The following PTPRE variants were observed in gnomAD, a reference collection of about 807,000 sequenced individuals.
PTPRE encodes the protein receptor-type tyrosine-protein phosphatase epsilon.
A neutral mutation model predicts 102.0 loss-of-function variants in PTPRE; 51 were observed. The observed-to-expected ratio is 0.50, with a 90% CI of 0.40 to 0.63. PTPRE has a LOEUF of 0.63. Ranked by LOEUF, PTPRE falls within the 30% of genes least tolerant of loss-of-function variation. PTPRE has a pLI of 0.00. For synonymous variants in PTPRE, 345 were observed against 348.2 expected (o/e 0.99, Z 0.10); for missense variants, 752 against 915.1 (o/e 0.82, Z 2.30).
intron 1 of PTPRE, among the ~76,000 whole-genome samples, chr10:127,965,807 C>T (rs1372442046): frequency 1.3e-5 from 2 of 152,238 alleles, no homozygotes; most frequent in East Asian, 3.9e-4. Context: ...TCCAGCCAGT[C>T]TCCACCTCTT....
intron 17 of PTPRE, among the ~76,000 whole-genome samples, chr10:128,075,383 C>A (rs979014435): frequency 6.6e-6 from 1 of 152,168 alleles, no homozygotes; most frequent in Admixed American, 6.5e-5. Flanking sequence ...GTCAACCCAT[C>A]ATCTAGGTTT....
intron 6 of PTPRE, among the ~76,000 whole-genome samples, chr10:128,055,549 A>C (rs1454821714): frequency 6.6e-6 from 1 of 152,014 alleles, no homozygotes; most frequent in Admixed American, 6.6e-5. Context: ...TGCATTTCTA[A>C]CAAGCACCCT....
intron 2 of PTPRE, among the ~76,000 whole-genome samples, chr10:127,985,605 A>G (rs1256685257): frequency 2.0e-5 from 3 of 152,102 alleles, no homozygotes; most frequent in East Asian, 3.9e-4. Context: ...ATAAAAATAA[A>G]TAAAAGCTAG....
At chr10:127,933,176 G>C (rs1250819464) in intron 1 of PTPRE, among the ~76,000 whole-genome samples, 3 of 152,090 alleles carry the variant, frequency 2.0e-5, no homozygotes, top group Admixed American at 2.0e-4. Context: ...CCTTCACAAC[G>C]GTACCTGGAT....
At position 128,085,526 on chromosome 10, in the gene PTPRE, A is replaced by C. The variant is rs761066663; in HGVS notation, c.*2620A>C. ...GAAGAATGCATACCAGTGTTTTAAA[A>C]GGTATTTTTATGTGTTTTTAAACAC... On this transcript the variant is annotated 3_prime_UTR_variant, in exon 21 of 21. Coordinates refer to ENST00000254667, the MANE Select transcript of PTPRE (RefSeq NM_006504.6). 6.5e-6 allele frequency: 1 copy of C among 152,780 alleles called. No individual in the cohort carries two copies. Among genetic ancestry groups the C allele is most frequent in the Non-Finnish European group, 1.5e-5 (1 of 68,142 alleles). 9.5% of individuals were successfully genotyped at this position (152,780 alleles called of 1,614,324 possible). A position where few individuals can be genotyped will look rare whatever the true frequency, so the allele number is the denominator to read the frequency against.
chr10:128,070,718 G>A lies in PTPRE; in HGVS notation c.1294-90G>A, dbSNP rs889248699. On this transcript the variant is annotated intron_variant, in intron 14 of 20. Transcript: ENST00000254667. This position sits in a 1 kb window ranked among gnomAD's most constrained non-coding sequence, Gnocchi z 4.8. ...GGAGAGTGGTTTCCTTTGAGCAGGC[G>A]TCCTTGCCAGCAGCACTAGTCCTCG... The A allele has an allele frequency of 3.5e-5, 49 of 1,403,848 alleles. No homozygotes were observed. The highest frequency in any genetic ancestry group is 1.7e-4 in the East Asian group (7 of 41,924). 87.0% of individuals were successfully genotyped at this position (1,403,848 alleles called of 1,614,324 possible). A position where few individuals can be genotyped will look rare whatever the true frequency, so the allele number is the denominator to read the frequency against.
intron 16 of PTPRE, 124 bp downstream of exon 16, chr10:128,072,338 TG>T (rs1850843310): frequency 1.1e-6 from 1 of 922,204 alleles, no homozygotes; most frequent in South Asian, 1.7e-5. Context: ...CAGCCATTTT[TG>T]TTAGCAGAAT....
rs1463691836 is a variant in PTPRE at position 128,085,370 on chromosome 10, C to T, written c.*2464C>T. The T allele has an allele frequency of 4.1e-6, 1 of 245,512 alleles. No individual in the cohort carries two copies. The highest frequency in any genetic ancestry group is 9.3e-5 in the East Asian group (1 of 10,806). 15.2% of individuals were successfully genotyped at this position (245,512 alleles called of 1,614,324 possible). A position where few individuals can be genotyped will look rare whatever the true frequency, so the allele number is the denominator to read the frequency against. Reference sequence around the variant, plus strand: ...CCAGTGCCGACACCATTGTTCCTTTCACACTTTCCTTTGTTGCATGCAGTT... The same window carrying T: ...CCAGTGCCGACACCATTGTTCCTTTTACACTTTCCTTTGTTGCATGCAGTT... On this transcript the variant is annotated 3_prime_UTR_variant, in exon 21 of 21. Coordinates refer to ENST00000254667, the MANE Select transcript of PTPRE (RefSeq NM_006504.6).
At chr10:128,045,315 G>GACCC (rs543570562) in intron 3 of PTPRE, among the ~76,000 whole-genome samples, 135 of 152,356 alleles carry the variant, frequency 8.9e-4, no homozygotes, top group Admixed American at 2.0e-3. Flanking sequence ...GTGGAGGCCA[G>GACCC]ACCCACGGAG....
At chr10:128,073,574 TG>T in intron 17 of PTPRE, 103 bp downstream of exon 17, 1 of 1,413,512 alleles carries the variant, frequency 7.1e-7, no homozygotes, top group Non-Finnish European at 9.5e-7. Flanking sequence ...TGCAAACACA[TG>T]GGTGAGACCA....
At chr10:127,967,880 A>G (rs1459542908) in intron 1 of PTPRE, among the ~76,000 whole-genome samples, 1 of 152,214 alleles carries the variant, frequency 6.6e-6, no homozygotes, top group Non-Finnish European at 1.5e-5. Flanking sequence ...CGAACTTTCT[A>G]TAAGCTGGAT....
intron 2 of PTPRE, chr10:127,999,147 G>A (rs1044465948): frequency 3.3e-5 from 5 of 152,186 alleles, no homozygotes; most frequent in African/African-American, 1.2e-4. Context: ...GAGCTCTGCT[G>A]TGCCACATCA....
intron 7 of PTPRE, among the ~76,000 whole-genome samples, chr10:128,057,246 CA>C (rs1479466891): frequency 2.6e-5 from 4 of 151,986 alleles, no homozygotes; most frequent in Non-Finnish European, 5.9e-5. Flanking sequence ...GGCCCAGCAG[CA>C]GGGGGGCGGG....
At chr10:128,013,553 T>TC (rs543905682) in intron 2 of PTPRE, among the ~76,000 whole-genome samples, 360 of 151,486 alleles carry the variant, frequency 2.4e-3, no homozygotes, top group African/African-American at 8.0e-3. Flanking sequence ...AATGTCTGTG[T>TC]CCCCCCCCAG....
At chr10:128,068,004 G>A (rs976882305) in intron 11 of PTPRE, 119 bp from the exon 12 acceptor site, 13 of 1,169,730 alleles carry the variant, frequency 1.1e-5, no homozygotes, top group African/African-American at 4.6e-5. Context: ...CTGTGGATGG[G>A]CCCCTCCCCT....
chr10:128,054,340 C>T (rs4072674), intron 6 of PTPRE, among the ~76,000 whole-genome samples: 18,600 of 151,966 alleles, frequency 0.12, 1,371 homozygotes, highest in East Asian at 0.24. Flanking sequence ...TCATGCCTCC[C>T]GTGTATTTTC....
chr10:127,964,463 ACCCGG>A (rs1388464018), intron 1 of PTPRE, among the ~76,000 whole-genome samples: 1 of 152,032 alleles, frequency 6.6e-6, no homozygotes, highest in Non-Finnish European at 1.5e-5. Flanking sequence ...GAGCCACCAT[ACCCGG>A]CCTCCTTTGC....
At chr10:127,971,156 A>G (rs1850698157) in intron 1 of PTPRE, among the ~76,000 whole-genome samples, 1 of 152,188 alleles carries the variant, frequency 6.6e-6, no homozygotes, top group South Asian at 2.1e-4. Flanking sequence ...GACCTGACTG[A>G]GAGCTTCATG....
chr10:127,984,087 T>A (rs535759031), intron 2 of PTPRE, among the ~76,000 whole-genome samples: 1 of 150,428 alleles, frequency 6.6e-6, no homozygotes, highest in East Asian at 1.9e-4. Context: ...TCTTTTTTTT[T>A]TTTTTTTTTT....
Sources: gnomAD v4.1 joint callset for allele counts (sites outside exome capture counted in the v4.1 genomes callset) on GRCh38, gnomAD v4.1.1 for gene constraint, Gnocchi (gnomAD v3.1) non-coding constraint, MANE v1.5 for transcripts, NCBI Gene and HGNC (gene_info 2026-07-23, HGNC 2026-07-21) for gene names.